The following DTNA variants were observed in gnomAD, a reference collection of about 807,000 sequenced individuals.
The protein encoded by DTNA is dystrophin-related protein 3.
Under a neutral mutation model 100.7 loss-of-function variants are expected in DTNA, and 43 were observed. That is an observed-to-expected ratio of 0.43 (90% CI 0.33 to 0.55). The LOEUF is 0.55. DTNA is among the 20% of genes least tolerant of loss of function. DTNA has a pLI of 0.04. For synonymous variants in DTNA, 349 were observed against 347.9 expected (o/e 1.00, Z -0.04); for missense variants, 798 against 953.9 (o/e 0.84, Z 2.15).
intron 1 of DTNA, among the ~76,000 whole-genome samples, chr18:34,534,685 T>C (rs2043504715): frequency 6.6e-6 from 1 of 152,030 alleles, no homozygotes; most frequent in Admixed American, 6.6e-5. Flanking sequence ...GATGTTCCCC[T>C]CCCTGTGTCC....
chr18:34,717,579 T>A (rs193035444), intron 1 of DTNA, among the ~76,000 whole-genome samples: 334 of 152,066 alleles, frequency 2.2e-3, no homozygotes, highest in African/African-American at 7.9e-3. Flanking sequence ...TTATTTTTTT[T>A]AAAAAACCTT....
chr18:34,582,153 T>C (rs1422706388), intron 1 of DTNA, among the ~76,000 whole-genome samples: 1 of 152,118 alleles, frequency 6.6e-6, no homozygotes, highest in Non-Finnish European at 1.5e-5. Context: ...TGCCTTCTCT[T>C]CCCATCCCTA....
intron 1 of DTNA, among the ~76,000 whole-genome samples, chr18:34,519,906 C>T (rs2042000752): frequency 6.6e-6 from 1 of 152,076 alleles, no homozygotes; most frequent in Non-Finnish European, 1.5e-5. Flanking sequence ...GGGTTTAAGC[C>T]CCTAGGTTCT....
At chr18:34,524,042 A>T (rs1398820189) in intron 1 of DTNA, among the ~76,000 whole-genome samples, 1 of 152,162 alleles carries the variant, frequency 6.6e-6, no homozygotes. Flanking sequence ...TGTGTGTTAA[A>T]TTATTGAGTA....
intron 3 of DTNA, among the ~76,000 whole-genome samples, chr18:34,786,610 C>G (rs9956004): frequency 6.6e-6 from 1 of 151,844 alleles, no homozygotes; most frequent in Non-Finnish European, 1.5e-5. Flanking sequence ...AGGGAGCATG[C>G]GCATGGATAT....
At chr18:34,804,945 G>A (rs901539855) in intron 4 of DTNA, among the ~76,000 whole-genome samples, 6 of 151,980 alleles carry the variant, frequency 3.9e-5, no homozygotes, top group African/African-American at 1.2e-4. Context: ...ACAAAACCAC[G>A]ATTATTTATA....
intron 19 of DTNA, 33 bp downstream of exon 19, chr18:34,877,841 C>T (rs2096833219): frequency 1.9e-6 from 3 of 1,576,418 alleles, no homozygotes; most frequent in Admixed American, 1.7e-5. Flanking sequence ...TTTGTCTGCT[C>T]ATCATGGAGG....
intron 1 of DTNA, among the ~76,000 whole-genome samples, chr18:34,602,099 G>A (rs967789800): frequency 2.6e-5 from 4 of 152,098 alleles, no homozygotes; most frequent in Admixed American, 6.5e-5. Flanking sequence ...ACATAGTCTC[G>A]AATAGCATTT....
At chr18:34,659,639 CA>C (rs2074900592) in intron 1 of DTNA, among the ~76,000 whole-genome samples, 1 of 151,680 alleles carries the variant, frequency 6.6e-6, no homozygotes, top group African/African-American at 2.4e-5. Flanking sequence ...CACAGACACA[CA>C]CACACACACA....
At chr18:34,843,412 A>G (rs1048570975) in intron 13 of DTNA, among the ~76,000 whole-genome samples, 1 of 152,102 alleles carries the variant, frequency 6.6e-6, no homozygotes, top group African/African-American at 2.4e-5. Flanking sequence ...TTTGCTAAGA[A>G]TGCCAAAGCA....
At chr18:34,647,579 C>G (rs1220796037) in intron 1 of DTNA, among the ~76,000 whole-genome samples, 1 of 152,140 alleles carries the variant, frequency 6.6e-6, no homozygotes, top group African/African-American at 2.4e-5. Context: ...TGGTCTTTGC[C>G]ACACCTACCG....
chr18:34,631,956 GT>G (rs1008091715), intron 1 of DTNA, among the ~76,000 whole-genome samples: 16 of 152,124 alleles, frequency 1.1e-4, no homozygotes, highest in African/African-American at 2.7e-4. Context: ...TGGCAGATAA[GT>G]TTTTTGCATA....
In DTNA at chr18:34,875,252, G is replaced by A. The variant is rs760490176; in HGVS notation, c.1757G>A (p.Gly586Asp). Residue 586 changes from glycine to aspartate, a missense_variant, in exon 18 of 23, where the codon GGC becomes GAC. This residue lies in a region of DTNA where 242 missense variants were observed against 238.2 expected (regional missense o/e 1.02). Transcript: ENST00000444659. ...TTGTCTCTCCAGACTCAGGGGGCAG[G>A]CTCTCCCCGCTCCTCCCCCAGCCAC... ...LMKLLKTQGA[G>D]SPRSSPSHTI... is the part of the protein sequence containing the mutation. 6.2e-7 allele frequency: 1 copy of A among 1,613,918 alleles called. No homozygotes were observed. Among genetic ancestry groups the A allele is most frequent in the Admixed American group, 1.7e-5 (1 of 59,994 alleles).
At chr18:34,753,439 GT>G (rs2092539455) in intron 1 of DTNA, among the ~76,000 whole-genome samples, 1 of 140,192 alleles carries the variant, frequency 7.1e-6, no homozygotes, top group East Asian at 2.0e-4. Flanking sequence ...CTGGAGTGCA[GT>G]GGCGGGATCT....
At chr18:34,855,549 C>A (rs1413724910) in intron 15 of DTNA, among the ~76,000 whole-genome samples, 2 of 152,194 alleles carry the variant, frequency 1.3e-5, no homozygotes, top group Non-Finnish European at 2.9e-5. Context: ...AACCTTCACA[C>A]AACTCAGATT....
chr18:34,810,393 G>A (rs934239719), intron 5 of DTNA, among the ~76,000 whole-genome samples: 1 of 152,034 alleles, frequency 6.6e-6, no homozygotes, highest in African/African-American at 2.4e-5. Flanking sequence ...CAACAGGGAT[G>A]AGCCTGGAGG....
At chr18:34,662,194 C>T (rs2075299707) in intron 1 of DTNA, among the ~76,000 whole-genome samples, 1 of 151,220 alleles carries the variant, frequency 6.6e-6, no homozygotes, top group African/African-American at 2.4e-5. Context: ...AGCAAGCAAG[C>T]CTCTTGTAAT....
At chr18:34,691,286 C>G (rs1462694623) in intron 1 of DTNA, among the ~76,000 whole-genome samples, 2 of 152,196 alleles carry the variant, frequency 1.3e-5, no homozygotes, top group Non-Finnish European at 2.9e-5. Context: ...ATGTTCAGAT[C>G]TCATCATTTT....
chr18:34,598,393 TG>T (rs1452334962), intron 1 of DTNA, among the ~76,000 whole-genome samples: 2 of 152,180 alleles, frequency 1.3e-5, no homozygotes, highest in East Asian at 3.9e-4. Context: ...AATAGCACAA[TG>T]GGAAAATGTC....
Sources: gnomAD v4.1 joint callset for allele counts (sites outside exome capture counted in the v4.1 genomes callset) on GRCh38, gnomAD v4.1.1 for gene constraint, gnomAD v4.1.1 regional missense constraint, MANE v1.5 for transcripts, NCBI Gene and HGNC (gene_info 2026-07-23, HGNC 2026-07-21) for gene names.